Variants in PRRC2B observed in about 807,000 individuals in gnomAD.
PRRC2B encodes the protein protein PRRC2B.
PRRC2B carries 68 observed loss-of-function variants against 242.3 expected under a neutral mutation model. The observed-to-expected ratio is 0.28, with a 90% CI of 0.23 to 0.34. PRRC2B has a LOEUF of 0.34. Among genes scored for constraint, PRRC2B ranks in the 10% least tolerant of loss-of-function variants. The pLI, the probability that PRRC2B is intolerant of heterozygous loss-of-function variation, is 1.00. For missense variants in PRRC2B, 2,835 were observed against 2,954.8 expected (o/e 0.96, Z 0.94); for synonymous variants, 1,228 against 1,173.6 (o/e 1.05, Z -0.95).
chr9:131,482,760 C>T lies in PRRC2B; in HGVS notation c.5226C>T (p.Ile1742=), dbSNP rs374245503. The change falls in exon 22 of 32, where the codon ATC becomes ATT. Residue 1742 remains isoleucine (I), a synonymous_variant. Coordinates refer to ENST00000683519, the MANE Select transcript of PRRC2B (RefSeq NM_013318.4). This position sits in a 1 kb window ranked among gnomAD's most constrained non-coding sequence, Gnocchi z 5.2. ...GCAAGGAGCACAGACCAGGACCCATCGGCAACGAGCGTTCTCTGAAAAACA... is the reference window on the plus strand; with the variant it reads ...GCAAGGAGCACAGACCAGGACCCATTGGCAACGAGCGTTCTCTGAAAAACA... The part of the protein sequence containing the change: ...GQSKEHRPGP[I]GNERSLKNRK... 1.9e-5 allele frequency: 30 copies of T among 1,611,500 alleles called. No homozygotes were observed. Among genetic ancestry groups the T allele is most frequent in the South Asian group, 5.5e-5 (5 of 90,672 alleles).
In PRRC2B at chr9:131,475,297, A is replaced by T. The variant is rs200476893; in HGVS notation, c.3168A>T (p.Gln1056His). Residue 1056 changes from glutamine (Q) to histidine (H), a missense_variant, in exon 16 of 32, where the codon CAA becomes CAT. By Grantham distance (24) the Gln-to-His change is conservative. Transcript: ENST00000683519. The part of the protein sequence containing the change: ...RNNWIFIDEE[Q>H]AFGVRGQARG... Reference sequence around the variant, plus strand: ...ACTGGATCTTTATTGATGAGGAGCAAGCCTTTGGGGTCAGAGGACAGGCCC... The same window carrying T: ...ACTGGATCTTTATTGATGAGGAGCATGCCTTTGGGGTCAGAGGACAGGCCC... 104 of 1,609,938 alleles carry T rather than the reference A, an allele frequency of 6.5e-5. No homozygotes were observed. In the African/African-American group the frequency reaches 1.3e-3, roughly 20 times the overall value.
chr9:131,490,240 C>G (rs1488984030), intron 28 of PRRC2B, among the ~76,000 whole-genome samples: 2 of 150,948 alleles, frequency 1.3e-5, no homozygotes, highest in East Asian at 2.0e-4. Context: ...ACCTCACCCC[C>G]TTACCCTTCA....
At chr9:131,416,078 CT>C (rs1301171649) in intron 1 of PRRC2B, among the ~76,000 whole-genome samples, 1 of 150,872 alleles carries the variant, frequency 6.6e-6, no homozygotes, top group Non-Finnish European at 1.5e-5. Context: ...ATTTGTTTGG[CT>C]TGCTCTTCCA....
In PRRC2B at chr9:131,487,951, G is replaced by T. The variant is rs765620151; in HGVS notation, c.6080G>T (p.Gly2027Val). The change falls in exon 28 of 32, where the codon GGC becomes GTC. Residue 2027 changes from glycine (G) to valine (V), a missense_variant. Gly to Val is a moderately radical substitution (Grantham distance 109). Transcript: ENST00000683519. This position sits in a 1 kb window ranked among gnomAD's most constrained non-coding sequence, Gnocchi z 5.3. ...ALKPPYSAFPGMQPLEMVKPQ... is the reference protein window; with the variant it reads ...ALKPPYSAFPVMQPLEMVKPQ... ...AAGCCTCCATACTCGGCGTTCCCAG[G>T]CATGCAGCCCTTGGAGATGGTGAAG... 6.2e-7 allele frequency: 1 copy of T among 1,613,318 alleles called. No individual in the cohort carries two copies. Among genetic ancestry groups the T allele is most frequent in the Non-Finnish European group, 8.5e-7 (1 of 1,179,618 alleles).
intron 16 of PRRC2B, 84 bp downstream of exon 16, chr9:131,476,619 G>T (rs889351890): frequency 8.2e-5 from 106 of 1,291,210 alleles, no homozygotes; most frequent in Non-Finnish European, 1.1e-4. Flanking sequence ...TGCCGATGCC[G>T]CCGTGTGTCG....
At chr9:131,465,341 C>G (rs1053524216) in intron 12 of PRRC2B, among the ~76,000 whole-genome samples, 1 of 152,116 alleles carries the variant, frequency 6.6e-6, no homozygotes, top group Non-Finnish European at 1.5e-5. Context: ...TATGAATGAT[C>G]CTATCACCCA....
chr9:131,461,819 G>T (rs932992893), intron 11 of PRRC2B, among the ~76,000 whole-genome samples: 1 of 152,140 alleles, frequency 6.6e-6, no homozygotes, highest in South Asian at 2.1e-4. Flanking sequence ...GAGCCACTGC[G>T]CCCGGCCTGC....
rs774168307 is a variant in PRRC2B at position 131,492,225 on chromosome 9, T to G, written c.6438T>G (p.Pro2146=). Reference sequence around the variant, plus strand: ...TTGCCGACAGTAAACAGAATGTCCCTTCAGGAGGCCCCGTGCCATCGCCAC... The same window carrying G: ...TTGCCGACAGTAAACAGAATGTCCCGTCAGGAGGCCCCGTGCCATCGCCAC... The part of the protein sequence containing the change: ...FHFADSKQNV[P]SGGPVPSPQT... Residue 2146 remains proline, a synonymous_variant, in exon 30 of 32, where the codon CCT becomes CCG. Coordinates refer to ENST00000683519, the MANE Select transcript of PRRC2B (RefSeq NM_013318.4). The G allele has an allele frequency of 1.1e-5, 17 of 1,613,854 alleles. No individual in the cohort carries two copies. The South Asian group carries it at 1.3e-4, about 13-fold the overall frequency.
In PRRC2B at chr9:131,446,091, C is replaced by A. The variant is rs1335930582; in HGVS notation, c.614-310C>A. On this transcript the variant is annotated intron_variant, in intron 6 of 31. Transcript: ENST00000683519. This position sits in a 1 kb window ranked among gnomAD's most constrained non-coding sequence, Gnocchi z 4.1. ...TGACCCAAGGCTGGTTTCATCAGGG[C>A]CATCTTCATCTCTCTGGGTTGTGAG... 6.6e-6 allele frequency among the ~76,000 whole-genome samples: 1 copy of A among 152,018 alleles called. No homozygotes were observed. Among genetic ancestry groups the A allele is most frequent in the East Asian group, 1.9e-4 (1 of 5,180 alleles).
chr9:131,488,893 T>C (rs960470810), intron 28 of PRRC2B, among the ~76,000 whole-genome samples: 1 of 152,160 alleles, frequency 6.6e-6, no homozygotes, highest in African/African-American at 2.4e-5. Flanking sequence ...TCACCCTCCT[T>C]GTCTGGTCTG....
chr9:131,397,517 G>A (rs1467669458), intron 1 of PRRC2B, among the ~76,000 whole-genome samples: 1 of 136,478 alleles, frequency 7.3e-6, no homozygotes, highest in Admixed American at 7.2e-5. Context: ...TTGAATTTCA[G>A]TTCTCTTTTT....
chr9:131,463,934 A>G (rs1213164373), intron 11 of PRRC2B, among the ~76,000 whole-genome samples: 2 of 146,942 alleles, frequency 1.4e-5, no homozygotes, highest in African/African-American at 5.1e-5. Context: ...TGCCTTTGCT[A>G]GACATGCTTT....
chr9:131,393,886 T>A (rs923659316), upstream of PRRC2B, among the ~76,000 whole-genome samples: 75 of 129,628 alleles, frequency 5.8e-4, no homozygotes, highest in African/African-American at 2.0e-3. Flanking sequence ...CCCAGCCCCC[T>A]CCCGCCGCTC....
At chr9:131,473,474 T>G (rs140593444) in intron 14 of PRRC2B, 34 bp from the exon 15 acceptor site, 290 of 1,483,698 alleles carry the variant, frequency 2.0e-4, no homozygotes, top group Non-Finnish European at 2.4e-4. Context: ...GCTTTCTAAA[T>G]GAGATGATGT....
At chr9:131,399,828 G>A (rs1837180665) in intron 1 of PRRC2B, among the ~76,000 whole-genome samples, 1 of 151,934 alleles carries the variant, frequency 6.6e-6, no homozygotes, top group South Asian at 2.1e-4. Flanking sequence ...GCTATTATAC[G>A]GATATGCCAT....
At chr9:131,474,371 T>C in intron 15 of PRRC2B, 83 bp from the exon 16 acceptor site, 2 of 1,219,290 alleles carry the variant, frequency 1.6e-6, no homozygotes, top group Admixed American at 4.9e-5. Flanking sequence ...GTTTTTTCTT[T>C]TTAAAACTAA....
chr9:131,381,581 G>A (rs1836760766), intron 1 of PRRC2B, among the ~76,000 whole-genome samples: 1 of 151,650 alleles, frequency 6.6e-6, no homozygotes, highest in Non-Finnish European at 1.5e-5. Context: ...ACCATGCCCA[G>A]CCAATTGTTT....
chr9:131,423,529 C>T (rs368620214), intron 1 of PRRC2B, among the ~76,000 whole-genome samples: 19 of 152,154 alleles, frequency 1.2e-4, no homozygotes, highest in East Asian at 3.8e-4. Context: ...CGCACTCAGC[C>T]GGTCAGTGGA....
At position 131,476,688 on chromosome 9, in the gene PRRC2B, G is replaced by A. The variant is rs1034613119; in HGVS notation, c.4406+153G>A. Among the ~76,000 whole-genome samples the A allele has an allele frequency of 2.6e-5, 4 of 152,084 alleles. No homozygotes were observed. In the East Asian group the frequency reaches 7.8e-4, roughly 30 times the overall value. ...CGTCTCCATTGCCTGCCCCCACATTGCCTGTCTGCTTCTCGTGGTGGTGTT... is the reference window on the plus strand; with the variant it reads ...CGTCTCCATTGCCTGCCCCCACATTACCTGTCTGCTTCTCGTGGTGGTGTT... On this transcript the variant is annotated intron_variant, in intron 16 of 31. Transcript: ENST00000683519.
Sources: allele counts gnomAD v4.1 joint callset (sites outside exome capture counted in the v4.1 genomes callset), GRCh38; gene constraint gnomAD v4.1.1; non-coding constraint Gnocchi (gnomAD v3.1); transcripts MANE v1.5; gene names NCBI Gene and HGNC (gene_info 2026-07-23, HGNC 2026-07-21).